The following DEFB131B variants were observed in gnomAD, a reference collection of about 807,000 sequenced individuals.
DEFB131B encodes beta-defensin 131B.
A neutral mutation model predicts 2.1 loss-of-function variants in DEFB131B; 2 were observed. The ratio of observed to expected loss-of-function variants is 0.94; its 90% CI spans 0.38 to 2.95. DEFB131B has a LOEUF of 2.95. DEFB131B is among the 30% of genes most tolerant of loss of function. The pLI, the probability that DEFB131B is intolerant of heterozygous loss-of-function variation, is 0.09. For synonymous variants in DEFB131B, 26 were observed against 25.8 expected (o/e 1.01, Z -0.03); for missense variants, 77 against 78.5 (o/e 0.98, Z 0.07).
At chr11:71,884,249 T>C in intron 1 of DEFB131B, 158 bp from the exon 2 acceptor site, 1 of 814,600 alleles carries the variant, frequency 1.2e-6, no homozygotes, top group Non-Finnish European at 1.8e-6. Context: ...TTTGTCTTTA[T>C]TCAGCATCTC....
intron 1 of DEFB131B, among the ~76,000 whole-genome samples, chr11:71,880,461 A>C (rs920912145): frequency 1.3e-5 from 2 of 152,044 alleles, no homozygotes; most frequent in Non-Finnish European, 2.9e-5. Flanking sequence ...TCTCTTCCAA[A>C]AGTCAACTTT....
rs781403486 is a variant in DEFB131B at position 71,878,457 on chromosome 11, G to A, written c.5G>A (p.Arg2Lys). Reference protein sequence around the residue: MRVLFFVFGVLS... With the variant: MKVLFFVFGVLS... ...ACCTGCTTTACCTATTCAACCATGAGGGTCTTGTTTTTTGTCTTTGGAGTC... is the reference window on the plus strand; with the variant it reads ...ACCTGCTTTACCTATTCAACCATGAAGGTCTTGTTTTTTGTCTTTGGAGTC... The change falls in exon 1 of 2, where the codon AGG becomes AAG. Residue 2 changes from arginine (R) to lysine (K), a missense_variant. Arg to Lys is a conservative substitution (Grantham distance 26). Coordinates refer to ENST00000530210, the MANE Select transcript of DEFB131B (RefSeq NM_001242853.1). The A allele has an allele frequency of 4.7e-5, 76 of 1,611,702 alleles. No homozygotes were observed. The highest frequency in any genetic ancestry group is 3.1e-4 in the African/African-American group (23 of 74,958).
intron 1 of DEFB131B, among the ~76,000 whole-genome samples, chr11:71,883,835 C>G (rs905232758): frequency 9.9e-5 from 15 of 152,228 alleles, no homozygotes; most frequent in African/African-American, 3.6e-4. Context: ...CCCGAATACA[C>G]TGGGAAGCTG....
intron 1 of DEFB131B, among the ~76,000 whole-genome samples, chr11:71,881,728 A>G (rs1480323690): frequency 6.6e-6 from 1 of 152,218 alleles, no homozygotes; most frequent in African/African-American, 2.4e-5. Flanking sequence ...TGGTTAGCCC[A>G]TAACAATGAA....
chr11:71,883,753 T>C (rs1375990546), intron 1 of DEFB131B, among the ~76,000 whole-genome samples: 1 of 152,200 alleles, frequency 6.6e-6, no homozygotes, highest in African/African-American at 2.4e-5. Flanking sequence ...GGAATATTTA[T>C]GGGAGATTAT....
chr11:71,879,012 T>TA (rs879913476), intron 1 of DEFB131B, among the ~76,000 whole-genome samples: 70 of 150,278 alleles, frequency 4.7e-4, no homozygotes, highest in Non-Finnish European at 7.1e-4. Context: ...AAAATAATCA[T>TA]AAAAAAAAAT....
At chr11:71,878,742 C>T (rs1223804346) in intron 1 of DEFB131B, among the ~76,000 whole-genome samples, 1 of 152,006 alleles carries the variant, frequency 6.6e-6, no homozygotes, top group Admixed American at 6.6e-5. Context: ...TGTCTATAAT[C>T]CCAGCATTTG....
rs1565118112 is a variant in DEFB131B at position 71,878,523 on chromosome 11, C to A, written c.58+13C>A. The A allele has an allele frequency of 2.5e-6, 4 of 1,607,334 alleles. No homozygotes were observed. Among genetic ancestry groups the A allele is most frequent in the Non-Finnish European group, 3.4e-6 (4 of 1,178,666 alleles). ...ACAGTTCCTCCAAGTAAGGCAGAAACTTTTTTATTCCAAAGTTCTAAAAAT... is the reference window on the plus strand; with the variant it reads ...ACAGTTCCTCCAAGTAAGGCAGAAAATTTTTTATTCCAAAGTTCTAAAAAT... On this transcript the variant is annotated intron_variant, in intron 1 of 1. Coordinates refer to ENST00000530210, the MANE Select transcript of DEFB131B (RefSeq NM_001242853.1).
chr11:71,879,654 G>C (rs779555369), intron 1 of DEFB131B, among the ~76,000 whole-genome samples: 1 of 151,924 alleles, frequency 6.6e-6, no homozygotes, highest in Non-Finnish European at 1.5e-5. Flanking sequence ...GCCTTAAAGT[G>C]TTCTATTCAG....
chr11:71,878,529 T>C lies in DEFB131B; in HGVS notation c.58+19T>C. 1 of 1,605,034 alleles carries C rather than the reference T, an allele frequency of 6.2e-7. No individual in the cohort carries two copies. Among genetic ancestry groups the C allele is most frequent in the South Asian group, 1.1e-5 (1 of 89,788 alleles). ...CCTCCAAGTAAGGCAGAAACTTTTT[T>C]ATTCCAAAGTTCTAAAAATATAAGT... On this transcript the variant is annotated intron_variant, in intron 1 of 1. Transcript: ENST00000530210.
chr11:71,881,396 A>T (rs1952561179), intron 1 of DEFB131B, among the ~76,000 whole-genome samples: 1 of 152,204 alleles, frequency 6.6e-6, no homozygotes, highest in Non-Finnish European at 1.5e-5. Flanking sequence ...GGTGCCTTAA[A>T]TAACAAAAGT....
chr11:71,880,680 T>C (rs1292671623), intron 1 of DEFB131B, among the ~76,000 whole-genome samples: 2 of 152,174 alleles, frequency 1.3e-5, no homozygotes. Flanking sequence ...ACTGTCTTTG[T>C]TGTATTCCAT....
At chr11:71,882,264 CT>C (rs912572496) in intron 1 of DEFB131B, among the ~76,000 whole-genome samples, 66 of 148,422 alleles carry the variant, frequency 4.4e-4, no homozygotes, top group Non-Finnish European at 6.2e-4. Flanking sequence ...GCAAAATTAT[CT>C]TTTTTTTTTA....
intron 1 of DEFB131B, 141 bp downstream of exon 1, chr11:71,878,651 A>T: frequency 4.7e-6 from 4 of 850,936 alleles, no homozygotes; most frequent in Non-Finnish European, 7.1e-6. Context: ...TGAAGAGTTG[A>T]TACTAAAGAA....
intron 1 of DEFB131B, 59 bp from the exon 2 acceptor site, chr11:71,884,348 C>T (rs1272755791): frequency 6.9e-7 from 1 of 1,441,846 alleles, no homozygotes; most frequent in Non-Finnish European, 9.2e-7. Flanking sequence ...ACATTTCAGA[C>T]ATTTAAACAT....
At chr11:71,879,262 T>C (rs976678806) in intron 1 of DEFB131B, among the ~76,000 whole-genome samples, 1 of 146,046 alleles carries the variant, frequency 6.8e-6, no homozygotes, top group African/African-American at 2.4e-5. Context: ...TATCATTTAA[T>C]GTATATGGAA....
chr11:71,880,078 AATTAT>A (rs1952550738), intron 1 of DEFB131B, among the ~76,000 whole-genome samples: 1 of 152,192 alleles, frequency 6.6e-6, no homozygotes, highest in African/African-American at 2.4e-5. Flanking sequence ...AATTCTGTAT[AATTAT>A]ATAAATGATG....
intron 1 of DEFB131B, 139 bp from the exon 2 acceptor site, chr11:71,884,268 C>T: frequency 2.0e-6 from 2 of 1,022,548 alleles, no homozygotes; most frequent in East Asian, 2.9e-5. Flanking sequence ...TCCACTTTTT[C>T]TCTTGCATTC....
At position 71,883,750 on chromosome 11, in the gene DEFB131B, T is replaced by A. The variant is rs529170189; in HGVS notation, c.59-657T>A. Reference sequence around the variant, plus strand: ...GGATTGGTATGTTTAAAGGGAATATTTATGGGAGATTATGGGTTATAGGCT... The same window carrying A: ...GGATTGGTATGTTTAAAGGGAATATATATGGGAGATTATGGGTTATAGGCT... On this transcript the variant is annotated intron_variant, in intron 1 of 1. Transcript: ENST00000530210. 2.0e-5 allele frequency among the ~76,000 whole-genome samples: 3 copies of A among 152,274 alleles called. No individual in the cohort carries two copies. The South Asian group carries it at 6.2e-4, about 32-fold the overall frequency.
Sources: allele counts gnomAD v4.1 joint callset (sites outside exome capture counted in the v4.1 genomes callset), GRCh38; gene constraint gnomAD v4.1.1; transcripts MANE v1.5; gene names NCBI Gene and HGNC (gene_info 2026-07-23, HGNC 2026-07-21).